CADM2: variants seen among roughly 807,000 people sequenced by gnomAD.
The protein encoded by CADM2 is immunoglobulin superfamily member 4D.
In CADM2, 12 loss-of-function variants were observed where a neutral mutation model predicts 49.8. The observed-to-expected ratio is 0.24, with a 90% confidence interval of 0.15 to 0.39. CADM2 has a LOEUF of 0.39. CADM2 is among the 10% of genes least tolerant of loss of function. CADM2 has a pLI of 1.00. For missense variants in CADM2, 378 were observed against 492.3 expected, an observed-to-expected ratio of 0.77 and a Z score of 2.20; for synonymous variants, 214 against 175.4, an observed-to-expected ratio of 1.22 and a Z score of -1.74.
intron 2 of CADM2, 142 bp downstream of exon 2, chr3:85,726,690 A>G (rs1307290746): frequency 1.9e-6 from 1 of 531,770 alleles, no homozygotes; most frequent in Non-Finnish European, 3.3e-6. Flanking sequence ...TCCTACAAAT[A>G]CAAATATCAA....
intron 8 of CADM2, among the ~76,000 whole-genome samples, chr3:85,962,272 A>T (rs1724933154): frequency 6.6e-6 from 1 of 152,032 alleles, no homozygotes; most frequent in African/African-American, 2.4e-5. Flanking sequence ...CAGAATCATG[A>T]AAATTACATT....
intron 2 of CADM2, among the ~76,000 whole-genome samples, chr3:85,790,094 C>T (rs570847343): frequency 1.2e-4 from 19 of 152,086 alleles, no homozygotes; most frequent in Non-Finnish European, 2.5e-4. Flanking sequence ...CCGAGTAAAA[C>T]AAAACTAATG....
intron 1 of CADM2, among the ~76,000 whole-genome samples, chr3:85,201,092 A>G (rs943884116): frequency 6.6e-6 from 1 of 152,192 alleles, no homozygotes; most frequent in Non-Finnish European, 1.5e-5. Context: ...AAGGTTTTAT[A>G]AAGTATTTTC....
chr3:85,446,909 A>G (rs1464886742), intron 1 of CADM2, among the ~76,000 whole-genome samples: 6 of 145,746 alleles, frequency 4.1e-5, no homozygotes, highest in South Asian at 2.2e-4. Context: ...GCCATGAACG[A>G]TTTTTAGTGC....
chr3:86,072,159 A>G lies in CADM2; in HGVS notation c.*5376A>G, dbSNP rs1703318683. ...GAAATGACAGATTCTTCTGTAGGAA[A>G]AAATAAAAACATGAATATCTCAAAT... On this transcript the variant is annotated 3_prime_UTR_variant, in exon 10 of 10. Transcript: ENST00000383699. The G allele has an allele frequency of 6.6e-6, 1 of 151,948 alleles. No individual in the cohort carries two copies. The highest frequency in any genetic ancestry group is 1.5e-5 in the Non-Finnish European group (1 of 67,898). 9.4% of individuals were successfully genotyped at this position (151,948 alleles called of 1,614,324 possible).
chr3:85,437,636 G>T (rs151017435), intron 1 of CADM2, among the ~76,000 whole-genome samples: 1 of 151,728 alleles, frequency 6.6e-6, no homozygotes, highest in Non-Finnish European at 1.5e-5. Context: ...CTTATTTGCC[G>T]TCTACATAAC....
At chr3:85,624,679 C>G (rs1429703209) in intron 1 of CADM2, among the ~76,000 whole-genome samples, 1 of 152,108 alleles carries the variant, frequency 6.6e-6, no homozygotes, top group Non-Finnish European at 1.5e-5. Context: ...CTAGTCTTTA[C>G]ATTTATTTTA....
At chr3:85,090,288 A>AT (rs2037546135) in intron 1 of CADM2, among the ~76,000 whole-genome samples, 1 of 151,998 alleles carries the variant, frequency 6.6e-6, no homozygotes, top group Admixed American at 6.6e-5. Context: ...ATGTTAGTAT[A>AT]TTTTTCATAC....
In CADM2 at chr3:85,200,546, A is replaced by G. The variant is rs115973721; in HGVS notation, c.61+240878A>G. On this transcript the variant is annotated intron_variant, in intron 1 of 9. Transcript: ENST00000383699. ...GCTTTCTAGGAGAGATCAGTCATCAATTAGGAAAAAATGAGATACAGTAGT... is the reference window on the plus strand; with the variant it reads ...GCTTTCTAGGAGAGATCAGTCATCAGTTAGGAAAAAATGAGATACAGTAGT... Among the ~76,000 whole-genome samples the G allele has an allele frequency of 3.8e-3, 578 of 152,198 alleles. 1 individual carries two copies. Among genetic ancestry groups the G allele is most frequent in the African/African-American group, 0.013 (552 of 41,560 alleles).
intron 1 of CADM2, among the ~76,000 whole-genome samples, chr3:85,182,131 A>G (rs191856921): frequency 2.0e-5 from 3 of 152,098 alleles, no homozygotes; most frequent in Non-Finnish European, 4.4e-5. Flanking sequence ...AACACGATAT[A>G]TGCATAACTT....
In CADM2 at chr3:86,040,929, A is replaced by T. The variant is rs189565568; in HGVS notation, c.971-24676A>T. On this transcript the variant is annotated intron_variant, in intron 8 of 9. Coordinates refer to ENST00000383699, the MANE Select transcript of CADM2 (RefSeq NM_001167675.2). Reference sequence around the variant, plus strand: ...AGAAGAGAGTGGGGGTTAATATTCAACATTCTTAAAGAAAAGAATTTTCAA... The same window carrying T: ...AGAAGAGAGTGGGGGTTAATATTCATCATTCTTAAAGAAAAGAATTTTCAA... Among the ~76,000 whole-genome samples the T allele has an allele frequency of 9.8e-5, 15 of 152,340 alleles. No homozygotes were observed. In the East Asian group the frequency reaches 2.7e-3, roughly 27 times the overall value.
chr3:85,478,294 A>T (rs1429261638), intron 1 of CADM2, among the ~76,000 whole-genome samples: 1 of 152,028 alleles, frequency 6.6e-6, no homozygotes, highest in East Asian at 1.9e-4. Flanking sequence ...ATTTTCAAAA[A>T]TAACAATTGC....
chr3:85,589,920 G>T (rs2063055211), intron 1 of CADM2, among the ~76,000 whole-genome samples: 1 of 151,924 alleles, frequency 6.6e-6, no homozygotes, highest in African/African-American at 2.4e-5. Context: ...AAGGGAAAAT[G>T]CCAATTGGTT....
At chr3:85,175,596 T>A (rs2040760805) in intron 1 of CADM2, among the ~76,000 whole-genome samples, 1 of 151,970 alleles carries the variant, frequency 6.6e-6, no homozygotes, top group African/African-American at 2.4e-5. Flanking sequence ...GAGGAGAGAA[T>A]GGGGAATCAT....
At chr3:85,775,568 T>C (rs2070320052) in intron 2 of CADM2, among the ~76,000 whole-genome samples, 1 of 151,870 alleles carries the variant, frequency 6.6e-6, no homozygotes, top group South Asian at 2.1e-4. Context: ...CTCAGAATTT[T>C]ATAAACTGCT....
chr3:85,446,658 A>G (rs1352316122), intron 1 of CADM2, among the ~76,000 whole-genome samples: 1 of 145,672 alleles, frequency 6.9e-6, no homozygotes, highest in Non-Finnish European at 1.5e-5. Context: ...ACTGGAGTAC[A>G]AGGGTGCTAT....
At chr3:85,096,231 G>A (rs1461327980) in intron 1 of CADM2, among the ~76,000 whole-genome samples, 1 of 152,056 alleles carries the variant, frequency 6.6e-6, no homozygotes, top group Non-Finnish European at 1.5e-5. Context: ...TATTAGTACA[G>A]TGAGTTAAAT....
chr3:85,278,368 G>A (rs73845427), intron 1 of CADM2, among the ~76,000 whole-genome samples: 5,279 of 151,124 alleles, frequency 0.035, 114 homozygotes, highest in Middle Eastern at 0.068. Context: ...TCTCTTAGCC[G>A]TTATAAACTC....
chr3:85,354,643 A>AGAG (rs71108278), intron 1 of CADM2, among the ~76,000 whole-genome samples: 1 of 149,228 alleles, frequency 6.7e-6, no homozygotes, highest in Admixed American at 6.7e-5. Context: ...AGAGAGAGAG[A>AGAG]AGCCTATTCT....
Sources: gnomAD v4.1 joint callset for allele counts (sites outside exome capture counted in the v4.1 genomes callset) on GRCh38, gnomAD v4.1.1 for gene constraint, MANE v1.5 for transcripts, NCBI Gene and HGNC (gene_info 2026-07-23, HGNC 2026-07-21) for gene names.